Variants in DIP2B observed in about 807,000 individuals in gnomAD.
DIP2B encodes the protein disco-interacting protein 2 homolog B.
A neutral mutation model predicts 198.0 loss-of-function variants in DIP2B; 76 were observed. That is an observed-to-expected ratio of 0.38 (90% confidence interval 0.32 to 0.46). The LOEUF (loss-of-function observed/expected upper bound fraction) is 0.46, where lower values mean the gene tolerates loss of function less well. Among genes scored for constraint, DIP2B ranks in the 20% least tolerant of loss-of-function variants. The probability of loss-of-function intolerance (pLI) is 0.99; values close to 1 mark genes in which losing one functional copy is unlikely to be tolerated. For missense variants in DIP2B, 1,559 were observed against 1,978.4 expected, an observed-to-expected ratio of 0.79 and a Z score of 4.02; for synonymous variants, 701 against 739.1, an observed-to-expected ratio of 0.95 and a Z score of 0.84.
At chr12:50,704,289 G>T in intron 20 of DIP2B, 69 bp downstream of exon 20, 1 of 1,494,270 alleles carries the variant, frequency 6.7e-7, no homozygotes, top group South Asian at 1.2e-5. Flanking sequence ...TCACAGAACA[G>T]AACAAATTCT....
intron 28 of DIP2B, 41 bp downstream of exon 28, chr12:50,724,927 C>T: frequency 1.3e-6 from 2 of 1,565,864 alleles, no homozygotes; most frequent in Non-Finnish European, 1.8e-6. Flanking sequence ...GGACTGAGAG[C>T]TCACAATACC....
intron 23 of DIP2B, among the ~76,000 whole-genome samples, chr12:50,716,529 A>AAAAAC (rs367684144): frequency 0.024 from 3,625 of 152,134 alleles, 65 homozygotes; most frequent in Non-Finnish European, 0.036. Context: ...CTCTGTCTCA[A>AAAAAC]AAAACAAAAC....
chr12:50,663,566 A>ATAAATAAATAAG (rs1346738449), intron 4 of DIP2B, among the ~76,000 whole-genome samples: 3 of 151,204 alleles, frequency 2.0e-5, no homozygotes, highest in African/African-American at 7.3e-5. Context: ...AAATAAATAA[A>ATAAATAAATAAG]TAAATAAATA....
At chr12:50,565,378 C>T (rs894538097) in intron 1 of DIP2B, among the ~76,000 whole-genome samples, 1 of 152,080 alleles carries the variant, frequency 6.6e-6, no homozygotes, top group African/African-American at 2.4e-5. Context: ...TTACTCCAAG[C>T]TCCACCTCCT....
At chr12:50,725,325 C>T (rs1435975005) in intron 28 of DIP2B, among the ~76,000 whole-genome samples, 1 of 152,136 alleles carries the variant, frequency 6.6e-6, no homozygotes, top group Non-Finnish European at 1.5e-5. Context: ...TTACCCTTTC[C>T]TAAGCTACTG....
intron 3 of DIP2B, among the ~76,000 whole-genome samples, chr12:50,650,424 C>G (rs1470717381): frequency 6.6e-6 from 1 of 152,140 alleles, no homozygotes; most frequent in Non-Finnish European, 1.5e-5. Context: ...TCTAGAACTT[C>G]TTCATCTTGT....
At chr12:50,586,015 T>TC (rs1958767274) in intron 1 of DIP2B, among the ~76,000 whole-genome samples, 1 of 152,212 alleles carries the variant, frequency 6.6e-6, no homozygotes, top group Non-Finnish European at 1.5e-5. Context: ...ACCTGGAGGT[T>TC]CCCACAAACA....
chr12:50,704,063 T>G, intron 19 of DIP2B, 77 bp from the exon 20 acceptor site: 1 of 1,300,818 alleles, frequency 7.7e-7, no homozygotes, highest in Admixed American at 2.0e-5. Flanking sequence ...GCATGTATTT[T>G]AATAAAACTT....
intron 9 of DIP2B, among the ~76,000 whole-genome samples, chr12:50,682,712 C>G (rs1291387688): frequency 6.6e-6 from 1 of 150,564 alleles, no homozygotes; most frequent in Non-Finnish European, 1.5e-5. Context: ...CAGTTGTAGG[C>G]TCTCTCTGAG....
intron 1 of DIP2B, among the ~76,000 whole-genome samples, chr12:50,506,714 G>C (rs1957971632): frequency 6.6e-6 from 1 of 152,226 alleles, no homozygotes; most frequent in Non-Finnish European, 1.5e-5. Flanking sequence ...CCCCCGCTTC[G>C]AAAATCGAGG....
rs1958738504 is a variant in DIP2B, at chr12:50,582,943, C to CT, written c.101-43028dup. On this transcript the variant is annotated intron_variant, in intron 1 of 37. Transcript: ENST00000301180. ...GGTGTGTGGGGTCTATAACATTCTGCTTTTTGTCAGGGGGGCATTTACCTA... is the reference window on the plus strand; with the variant it reads ...GGTGTGTGGGGTCTATAACATTCTGCTTTTTTGTCAGGGGGGCATTTACCTA... Among the ~76,000 whole-genome samples, 3 of 151,946 alleles carry CT rather than the reference C, an allele frequency of 2.0e-5. No homozygotes were observed. The South Asian group carries it at 6.2e-4, about 32-fold the overall frequency.
intron 1 of DIP2B, among the ~76,000 whole-genome samples, chr12:50,536,728 C>CAGCT (rs1197267436): frequency 2.6e-5 from 4 of 151,898 alleles, no homozygotes; most frequent in Non-Finnish European, 5.9e-5. Context: ...CCACCATGCC[C>CAGCT]AGCTAATTTT....
chr12:50,730,374 CTCTCTCTCT>C (rs1187382445), intron 30 of DIP2B, among the ~76,000 whole-genome samples: 1 of 109,330 alleles, frequency 9.1e-6, no homozygotes. Flanking sequence ...CTTTCTTTCT[CTCTCTCTCT>C]TTTTTTTTTT....
At chr12:50,622,600 G>A (rs1323311710) in intron 1 of DIP2B, among the ~76,000 whole-genome samples, 1 of 152,130 alleles carries the variant, frequency 6.6e-6, no homozygotes, top group Non-Finnish European at 1.5e-5. Flanking sequence ...TTACATGTGT[G>A]CAAACACATT....
At chr12:50,542,248 CAAAAAAA>C (rs35430997) in intron 1 of DIP2B, among the ~76,000 whole-genome samples, 1 of 51,300 alleles carries the variant, frequency 1.9e-5, no homozygotes, top group African/African-American at 7.1e-5. Context: ...GACTCCGTCT[CAAAAAAA>C]AAAAAAAAAA....
intron 1 of DIP2B, among the ~76,000 whole-genome samples, chr12:50,519,682 G>A (rs1593574136): frequency 6.6e-6 from 1 of 152,234 alleles, no homozygotes; most frequent in Non-Finnish European, 1.5e-5. Context: ...TACTTACATG[G>A]TGATGCAGAA....
chr12:50,542,492 T>TA (rs757539428), intron 1 of DIP2B, among the ~76,000 whole-genome samples: 2 of 152,152 alleles, frequency 1.3e-5, no homozygotes, highest in African/African-American at 2.4e-5. Flanking sequence ...CTGTGCTATA[T>TA]AGAGTATTAT....
chr12:50,649,362 TTA>T (rs1357943734), intron 3 of DIP2B, among the ~76,000 whole-genome samples: 2 of 152,188 alleles, frequency 1.3e-5, no homozygotes, highest in Non-Finnish European at 2.9e-5. Context: ...TAGAGACTAA[TTA>T]AAACTGTTTA....
At chr12:50,683,883 G>A (rs1939087832) in intron 10 of DIP2B, among the ~76,000 whole-genome samples, 1 of 152,186 alleles carries the variant, frequency 6.6e-6, no homozygotes, top group African/African-American at 2.4e-5. Flanking sequence ...AGATTGAGGT[G>A]GGCGGGTTGC....
Sources: gnomAD v4.1 joint callset for allele counts (sites outside exome capture counted in the v4.1 genomes callset) on GRCh38, gnomAD v4.1.1 for gene constraint, MANE v1.5 for transcripts, NCBI Gene and HGNC (gene_info 2026-07-23, HGNC 2026-07-21) for gene names.